ZNF330: variants seen among roughly 807,000 people sequenced by gnomAD.
ZNF330 encodes zinc finger protein 330.
ZNF330 carries 31 observed loss-of-function variants against 45.5 expected under a neutral mutation model. The ratio of observed to expected loss-of-function variants is 0.68; its 90% CI spans 0.51 to 0.92. ZNF330 has a LOEUF of 0.92. Ranked by LOEUF, ZNF330 falls within the 40% of genes least tolerant of loss-of-function variation. The pLI is 0.00. For synonymous variants in ZNF330, 138 were observed against 123.2 expected (o/e 1.12, Z -0.79); for missense variants, 356 against 387.4 (o/e 0.92, Z 0.68).
intron 5 of ZNF330, 56 bp downstream of exon 5, chr4:141,226,902 T>C: frequency 4.3e-6 from 6 of 1,379,514 alleles, no homozygotes; most frequent in Non-Finnish European, 6.1e-6. Flanking sequence ...GAAAATGTCA[T>C]TCTGATCAGT....
intron 8 of ZNF330, 62 bp from the exon 9 acceptor site, chr4:141,232,463 A>G: frequency 1.1e-6 from 1 of 900,404 alleles, no homozygotes; most frequent in Non-Finnish European, 1.5e-6. Context: ...AACACTGAAT[A>G]CTGTCTTTTT....
At position 141,222,360 on chromosome 4, in the gene ZNF330, A is replaced by G; in HGVS notation, c.-6-6A>G. ...ATATCTTTTCTGTTCTCTTGTGTCAAAATAGGGGAAAATGCCTAAAAAAAA... is the reference window on the plus strand; with the variant it reads ...ATATCTTTTCTGTTCTCTTGTGTCAGAATAGGGGAAAATGCCTAAAAAAAA... On this transcript the variant is annotated splice_polypyrimidine_tract_variant and splice_region_variant and intron_variant, in intron 1 of 9. Transcript: ENST00000262990. The G allele has an allele frequency of 6.2e-7, 1 of 1,611,682 alleles. No homozygotes were observed. The highest frequency in any genetic ancestry group is 1.7e-5 in the Admixed American group (1 of 59,418).
chr4:141,227,428 G>A (rs1728837071), intron 5 of ZNF330, among the ~76,000 whole-genome samples: 1 of 151,990 alleles, frequency 6.6e-6, no homozygotes, highest in Admixed American at 6.6e-5. Context: ...TAAGAATGAT[G>A]GATTCCAGCT....
chr4:141,224,842 A>T (rs1223705748), intron 4 of ZNF330, among the ~76,000 whole-genome samples, 165 bp downstream of exon 4: 1 of 152,096 alleles, frequency 6.6e-6, no homozygotes, highest in Non-Finnish European at 1.5e-5. Flanking sequence ...CTACCAAAAA[A>T]CTATCAAGCC....
chr4:141,232,083 C>T (rs1353471644), intron 8 of ZNF330, among the ~76,000 whole-genome samples: 3 of 152,026 alleles, frequency 2.0e-5, no homozygotes, highest in African/African-American at 7.2e-5. Context: ...ATTAAGACTT[C>T]GTGTCTCTAA....
chr4:141,232,728 T>C (rs1728989260), intron 9 of ZNF330, 86 bp downstream of exon 9: 4 of 638,754 alleles, frequency 6.3e-6, no homozygotes, highest in Non-Finnish European at 1.0e-5. Context: ...CTATTTTTCT[T>C]ATTGCCTCTT....
upstream of ZNF330, chr4:141,220,852 G>C: frequency 6.6e-6 from 1 of 152,296 alleles, no homozygotes; most frequent in South Asian, 2.1e-4. Context: ...GGAGCGAACA[G>C]AGGTGGGCGG....
rs1330793267 is a variant in ZNF330 at position 141,234,510 on chromosome 4, T to C, written c.*521T>C. On this transcript the variant is annotated 3_prime_UTR_variant, in exon 10 of 10. Coordinates refer to ENST00000262990, the MANE Select transcript of ZNF330 (RefSeq NM_014487.6). Reference sequence around the variant, plus strand: ...TTGTCATGATAAGTATGTTTTAGTATTTGACTTATTCTTCTCTTTCTTCAC... The same window carrying C: ...TTGTCATGATAAGTATGTTTTAGTACTTGACTTATTCTTCTCTTTCTTCAC... 6.5e-6 allele frequency: 1 copy of C among 152,780 alleles called. No individual in the cohort carries two copies. The highest frequency in any genetic ancestry group is 1.5e-5 in the Non-Finnish European group (1 of 68,510). The allele number at this position is 152,780 out of a possible 1,614,324, so 9.5% of individuals were successfully genotyped here. A position where few individuals can be genotyped will look rare whatever the true frequency, so the allele number is the denominator to read the frequency against.
rs556824990 is a variant in ZNF330 at position 141,233,866 on chromosome 4, T to A, written c.840T>A (p.Asp280Glu). Reference protein sequence around the residue: ...EEEDEYEAEDDEEEEDEGRKD... With the variant: ...EEEDEYEAEDEEEEEDEGRKD... ...AGGATGAGTATGAAGCAGAGGATGA[T>A]GAAGAGGAAGAAGATGAAGGCAGAA... The change falls in exon 10 of 10, where the codon GAT becomes GAA. Residue 280 changes from aspartate to glutamate, a missense_variant. Physicochemically the swap from Asp to Glu is conservative, Grantham distance 45. Transcript: ENST00000262990. The A allele has an allele frequency of 6.2e-7, 1 of 1,613,574 alleles. No individual in the cohort carries two copies. The highest frequency in any genetic ancestry group is 1.7e-5 in the Admixed American group (1 of 59,906).
rs770031459 is a variant in ZNF330 at position 141,229,630 on chromosome 4, A to G, written c.351A>G (p.Thr117=). Residue 117 remains threonine, a synonymous_variant, in exon 6 of 10, where the codon ACA becomes ACG. Transcript: ENST00000262990. ...GCCATGGTAGGAAATGTCTCAGTACACATGCTTGTGCCTGCCCTCTTACCG... is the reference window on the plus strand; with the variant it reads ...GCCATGGTAGGAAATGTCTCAGTACGCATGCTTGTGCCTGCCCTCTTACCG... ...WVCHGRKCLS[T]HACACPLTDA... 6.8e-6 allele frequency: 11 copies of G among 1,613,126 alleles called. No individual in the cohort carries two copies.
At position 141,227,709 on chromosome 4, in the gene ZNF330, C is replaced by T. The variant is rs112235322; in HGVS notation, c.291+863C>T. Among the ~76,000 whole-genome samples, 562 of 152,176 alleles carry T rather than the reference C, an allele frequency of 3.7e-3. 2 individuals are homozygous for T. Among genetic ancestry groups the T allele is most frequent in the African/African-American group, 0.013 (535 of 41,508 alleles). On this transcript the variant is annotated intron_variant, in intron 5 of 9. Coordinates refer to ENST00000262990, the MANE Select transcript of ZNF330 (RefSeq NM_014487.6). ...ACTTCACAAAACAGTATTTAGTGTA[C>T]CGAAAGCCCTGCTTAACCAACGTTT...
At chr4:141,224,180 G>T (rs1363792446) in intron 2 of ZNF330, among the ~76,000 whole-genome samples, 6 of 152,088 alleles carry the variant, frequency 3.9e-5, no homozygotes, top group African/African-American at 1.4e-4. Context: ...ACTATCAAAA[G>T]GATAGTTCTT....
At chr4:141,224,439 A>C in intron 2 of ZNF330, 48 bp from the exon 3 acceptor site, 1 of 1,563,594 alleles carries the variant, frequency 6.4e-7, no homozygotes, top group African/African-American at 1.4e-5. Flanking sequence ...GTAAATTTGC[A>C]GTTTTCAGTC....
intron 1 of ZNF330, among the ~76,000 whole-genome samples, chr4:141,221,776 G>A (rs1728685477): frequency 7.4e-6 from 1 of 134,712 alleles, no homozygotes; most frequent in Non-Finnish European, 1.5e-5. Context: ...GCGTGTAGAG[G>A]GAAGAGCATT....
intron 1 of ZNF330, 115 bp from the exon 2 acceptor site, chr4:141,222,251 T>C (rs2111244687): frequency 8.0e-7 from 1 of 1,249,508 alleles, no homozygotes; most frequent in Middle Eastern, 2.6e-4. Flanking sequence ...ATCGAAAGGA[T>C]AGAGTTTAAC....
At chr4:141,232,917 A>T (rs200704246) in intron 9 of ZNF330, among the ~76,000 whole-genome samples, 238 of 146,036 alleles carry the variant, frequency 1.6e-3, no homozygotes, top group African/African-American at 5.9e-3. Context: ...ATTTTTTTTT[A>T]TTTTTGTTGA....
chr4:141,222,435 C>T lies in ZNF330; in HGVS notation c.64C>T (p.Leu22=), dbSNP rs1312491784. ...GAACCGCCGAGAACGTGAAAAACAA[C>T]TAAGAGCATCAAGAAGCACTATAGA... ...AENRREREKQ[L]RASRSTIDLA... Residue 22 remains leucine (L), a synonymous_variant, in exon 2 of 10, where the codon CTA becomes TTA. Coordinates refer to ENST00000262990, the MANE Select transcript of ZNF330 (RefSeq NM_014487.6). 1 of 1,613,730 alleles carries T rather than the reference C, an allele frequency of 6.2e-7. No individual in the cohort carries two copies. The highest frequency in any genetic ancestry group is 8.5e-7 in the Non-Finnish European group (1 of 1,179,836).
At chr4:141,223,480 G>A (rs1728732621) in intron 2 of ZNF330, among the ~76,000 whole-genome samples, 1 of 152,116 alleles carries the variant, frequency 6.6e-6, no homozygotes, top group African/African-American at 2.4e-5. Flanking sequence ...CATTTGTTGG[G>A]TTTCATAGTT....
In ZNF330 at chr4:141,227,601, G is replaced by A. The variant is rs555149496; in HGVS notation, c.291+755G>A. 8.7e-4 allele frequency among the ~76,000 whole-genome samples: 132 copies of A among 152,114 alleles called. 4 individuals carry two copies. The South Asian group carries it at 0.023, about 27-fold the overall frequency. The stretch of plus-strand genomic sequence containing the variant: ...GTGAATAGTGCCACAATAAACATAC[G>A]TGTGCATTTGTCTTTATAGCAGCAT... On this transcript the variant is annotated intron_variant, in intron 5 of 9. Coordinates refer to ENST00000262990, the MANE Select transcript of ZNF330 (RefSeq NM_014487.6).
Sources: allele counts gnomAD v4.1 joint callset (sites outside exome capture counted in the v4.1 genomes callset), GRCh38; gene constraint gnomAD v4.1.1; transcripts MANE v1.5; gene names NCBI Gene and HGNC (gene_info 2026-07-23, HGNC 2026-07-21).